Variants in TTYH2 observed in about 807,000 individuals in gnomAD.
TTYH2 encodes protein tweety homolog 2.
A neutral mutation model predicts 68.3 loss-of-function variants in TTYH2; 49 were observed. The ratio of observed to expected loss-of-function variants is 0.72; its 90% CI spans 0.57 to 0.91. The LOEUF (loss-of-function observed/expected upper bound fraction) is 0.91, where lower values mean the gene tolerates loss of function less well. Ranked by LOEUF, TTYH2 falls within the 40% of genes least tolerant of loss-of-function variation. The probability of loss-of-function intolerance (pLI) is 0.00; values close to 1 mark genes in which losing one functional copy is unlikely to be tolerated. For synonymous variants in TTYH2, 272 were observed against 300.8 expected (o/e 0.90, Z 0.99); for missense variants, 631 against 700.4 (o/e 0.90, Z 1.12).
Position 74,260,428 on chromosome 17 carries a change from A to G in TTYH2, c.*219A>G, listed in dbSNP as rs575820323. The G allele has an allele frequency of 3.5e-6, 2 of 565,198 alleles. No individual in the cohort carries two copies. The highest frequency in any genetic ancestry group is 6.4e-6 in the Non-Finnish European group (2 of 314,670). 35.0% of individuals were successfully genotyped at this position (565,198 alleles called of 1,614,324 possible). A position where few individuals can be genotyped will look rare whatever the true frequency, so the allele number is the denominator to read the frequency against. ...CTTTTGCCCTGCTCTCCACACCAGA[A>G]ATGCCCCCAGGTGCTTGGCTGCCTC... On this transcript the variant is annotated 3_prime_UTR_variant, in exon 14 of 14. Transcript: ENST00000269346.
chr17:74,233,829 T>C (rs2050414508), intron 3 of TTYH2, among the ~76,000 whole-genome samples: 2 of 151,728 alleles, frequency 1.3e-5, no homozygotes, highest in Admixed American at 1.3e-4. Flanking sequence ...TTCCTGTACC[T>C]GGTAGCCAGC....
In TTYH2 at chr17:74,253,090, C is replaced by A. The variant is rs9899862; in HGVS notation, c.1269C>A (p.Asp423Glu). ...CTACCCATTGTTCTAGAAACAGAGA[C>A]TACGATGACATTGATGATGATGACC... ...AWKHFTTRNR[D>E]YDDIDDDDPF... is the part of the protein sequence containing the mutation. The change falls in exon 12 of 14, where the codon GAC becomes GAA. Residue 423 changes from aspartate to glutamate, a missense_variant. Transcript: ENST00000269346. 377,315 of 1,612,856 alleles carry A rather than the reference C, an allele frequency of 0.23. 46,077 individuals carry two copies. The highest frequency in any genetic ancestry group is 0.25 in the Non-Finnish European group (290,759 of 1,179,352).
At position 74,241,264 on chromosome 17, in the gene TTYH2, T is replaced by C. The variant is rs146048769; in HGVS notation, c.636-2110T>C. 2.4e-5 allele frequency among the ~76,000 whole-genome samples: 1 copy of C among 40,984 alleles called. No individual in the cohort carries two copies. The highest frequency in any genetic ancestry group is 5.7e-5 in the Non-Finnish European group (1 of 17,558). The allele number at this position is 40,984 out of a possible 152,430, so 26.9% of individuals were successfully genotyped here. Reference sequence around the variant, plus strand: ...AGACAGACCCGGTATTTATAATACGTGTGTGTGTGTGTGTGTGTGTGTGTG... The same window carrying C: ...AGACAGACCCGGTATTTATAATACGCGTGTGTGTGTGTGTGTGTGTGTGTG... On this transcript the variant is annotated intron_variant, in intron 4 of 13. Coordinates refer to ENST00000269346, the MANE Select transcript of TTYH2 (RefSeq NM_032646.6). The surrounding 1 kb of genome is among the most constrained non-coding windows in gnomAD (Gnocchi z 4.1).
chr17:74,260,109 C>T lies in TTYH2; in HGVS notation c.1525-20C>T, dbSNP rs1313514378. 1.2e-6 allele frequency: 2 copies of T among 1,611,286 alleles called. No individual in the cohort carries two copies. Among genetic ancestry groups the T allele is most frequent in the South Asian group, 2.2e-5 (2 of 91,010 alleles). On this transcript the variant is annotated intron_variant, in intron 13 of 13. Coordinates refer to ENST00000269346, the MANE Select transcript of TTYH2 (RefSeq NM_032646.6). Reference sequence around the variant, plus strand: ...TTGGCTGACTCAGCTCTGACCATCCCCTCTCTTCTCTCTTGGCAGTACTCT... The same window carrying T: ...TTGGCTGACTCAGCTCTGACCATCCTCTCTCTTCTCTCTTGGCAGTACTCT...
chr17:74,244,161 A>C (rs966337717), intron 6 of TTYH2, 112 bp downstream of exon 6: 1 of 1,047,104 alleles, frequency 9.6e-7, no homozygotes, highest in African/African-American at 1.6e-5. Context: ...AGAATCCCAG[A>C]ATCTCAGAAC....
intron 1 of TTYH2, among the ~76,000 whole-genome samples, chr17:74,220,130 G>A (rs1372756976): frequency 6.6e-6 from 1 of 152,050 alleles, no homozygotes; most frequent in Non-Finnish European, 1.5e-5. Flanking sequence ...GCAAGTGCAT[G>A]CCACCAGGCC....
intron 3 of TTYH2, among the ~76,000 whole-genome samples, chr17:74,233,383 TG>T: frequency 6.6e-6 from 1 of 151,992 alleles, no homozygotes; most frequent in South Asian, 2.1e-4. Context: ...AAATGACTAG[TG>T]AGATAATGTC....
chr17:74,248,235 C>A, intron 6 of TTYH2: 8 of 980,366 alleles, frequency 8.2e-6, no homozygotes, highest in Non-Finnish European at 8.5e-6. Context: ...GGCGGAGGCC[C>A]CCCAGTTTAT....
intron 10 of TTYH2, chr17:74,250,779 G>A (rs2050615000): frequency 6.3e-6 from 1 of 157,754 alleles, no homozygotes; most frequent in Non-Finnish European, 1.4e-5. Context: ...GGGAACACAT[G>A]GGGAGCACGT....
chr17:74,226,955 T>C (rs961541071), intron 2 of TTYH2, among the ~76,000 whole-genome samples: 1 of 152,090 alleles, frequency 6.6e-6, no homozygotes, highest in African/African-American at 2.4e-5. Flanking sequence ...TCCTTTCTTT[T>C]CTCTTCCTTT....
Position 74,234,274 on chromosome 17 carries a change from G to A in TTYH2, c.415-3020G>A, listed in dbSNP as rs369050116. Among the ~76,000 whole-genome samples, 6 of 152,322 alleles carry A rather than the reference G, an allele frequency of 3.9e-5. No homozygotes were observed. In the East Asian group the frequency reaches 5.8e-4, roughly 15 times the overall value. ...TGAGAACTGCTCTTTCCTCTAGACC[G>A]TGGTCTCCGCCACCTGTAGCTCGTC... On this transcript the variant is annotated intron_variant, in intron 3 of 13. Coordinates refer to ENST00000269346, the MANE Select transcript of TTYH2 (RefSeq NM_032646.6).
At chr17:74,250,456 TG>T in intron 10 of TTYH2, 99 bp downstream of exon 10, 1 of 1,003,190 alleles carries the variant, frequency 1.0e-6, no homozygotes, top group Non-Finnish European at 1.5e-6. Context: ...AGCGATGGCC[TG>T]GGTCCCCTTC....
rs1173867909 is a variant in TTYH2, at chr17:74,215,306, A to G, written c.129+1590A>G. Among the ~76,000 whole-genome samples, 1 of 152,010 alleles carries G rather than the reference A, an allele frequency of 6.6e-6. No individual in the cohort carries two copies. Among genetic ancestry groups the G allele is most frequent in the Non-Finnish European group, 1.5e-5 (1 of 67,992 alleles). ...ATCTAAACTTTTCATTGGGTCAAGAAGACCCCTAGGTGGGGGTAGGGATGG... is the reference window on the plus strand; with the variant it reads ...ATCTAAACTTTTCATTGGGTCAAGAGGACCCCTAGGTGGGGGTAGGGATGG... On this transcript the variant is annotated intron_variant, in intron 1 of 13. Transcript: ENST00000269346. The surrounding 1 kb of genome is among the most constrained non-coding windows in gnomAD (Gnocchi z 4.3).
intron 13 of TTYH2, among the ~76,000 whole-genome samples, chr17:74,257,716 AC>A (rs773059153): frequency 3.9e-5 from 6 of 152,232 alleles, no homozygotes; most frequent in Non-Finnish European, 7.3e-5. Context: ...GACTTGATGA[AC>A]AAAAATGACC....
chr17:74,243,305 C>A, intron 4 of TTYH2, 69 bp from the exon 5 acceptor site: 1 of 1,303,624 alleles, frequency 7.7e-7, no homozygotes, highest in Non-Finnish European at 1.1e-6. Context: ...GCCGTGCAGG[C>A]CTCTCACGTG....
intron 2 of TTYH2, among the ~76,000 whole-genome samples, chr17:74,228,141 G>A (rs376093888): frequency 1.3e-5 from 2 of 151,836 alleles, no homozygotes; most frequent in Admixed American, 6.6e-5. Flanking sequence ...GCGCCACCAC[G>A]CCCAGCTAAT....
intron 4 of TTYH2, 31 bp from the exon 5 acceptor site, chr17:74,243,343 T>C: frequency 6.3e-7 from 1 of 1,593,136 alleles, no homozygotes; most frequent in Non-Finnish European, 8.6e-7. Context: ...TCCACCCTGC[T>C]GCTCCTGACC....
At chr17:74,253,369 C>T (rs753712861) in intron 12 of TTYH2, 103 bp downstream of exon 12, 199 of 1,392,490 alleles carry the variant, frequency 1.4e-4, no homozygotes, top group Non-Finnish European at 1.7e-4. Flanking sequence ...CAAGGCCACC[C>T]GTGGTCCCCA....
At chr17:74,234,591 C>G (rs181005551) in intron 3 of TTYH2, among the ~76,000 whole-genome samples, 18 of 152,300 alleles carry the variant, frequency 1.2e-4, no homozygotes, top group Middle Eastern at 3.4e-3. Flanking sequence ...AGTTTTGTTT[C>G]CTGTGGGAAA....
Sources: gnomAD v4.1 joint callset for allele counts (sites outside exome capture counted in the v4.1 genomes callset) on GRCh38, gnomAD v4.1.1 for gene constraint, Gnocchi (gnomAD v3.1) non-coding constraint, MANE v1.5 for transcripts, NCBI Gene and HGNC (gene_info 2026-07-23, HGNC 2026-07-21) for gene names.